Variants in DNAI4 observed in about 807,000 individuals in gnomAD.
DNAI4 encodes the protein dynein axonemal intermediate chain 4.
In DNAI4, 85 loss-of-function variants were observed where a neutral mutation model predicts 105.8. The observed-to-expected ratio is 0.80, with a 90% confidence interval of 0.67 to 0.96. DNAI4 has a LOEUF of 0.96. Ranked by LOEUF, DNAI4 falls within the 40% of genes least tolerant of loss-of-function variation. The pLI, the probability that DNAI4 is intolerant of heterozygous loss-of-function variation, is 0.00. For synonymous variants in DNAI4, 352 were observed against 331.5 expected (o/e 1.06, Z -0.67); for missense variants, 1,014 against 1,005.6 (o/e 1.01, Z -0.11).
intron 15 of DNAI4, among the ~76,000 whole-genome samples, chr1:66,823,065 C>G (rs1479876421): frequency 2.0e-5 from 3 of 151,748 alleles, no homozygotes; most frequent in African/African-American, 7.3e-5. Flanking sequence ...CCACTCCCCC[C>G]ACCCCACAAC....
At chr1:66,831,361 T>C (rs1645863253) in intron 13 of DNAI4, among the ~76,000 whole-genome samples, 1 of 152,170 alleles carries the variant, frequency 6.6e-6, no homozygotes. Flanking sequence ...TCAATCTCTC[T>C]TCTAACCAAA....
intron 1 of DNAI4, among the ~76,000 whole-genome samples, chr1:66,918,392 G>A (rs1237306511): frequency 1.3e-5 from 2 of 152,122 alleles, no homozygotes; most frequent in African/African-American, 4.8e-5. Context: ...TCAAAATAAT[G>A]TTTTCAATTT....
intron 8 of DNAI4, among the ~76,000 whole-genome samples, chr1:66,847,040 A>T (rs1646291536): frequency 6.6e-6 from 1 of 152,192 alleles, no homozygotes; most frequent in Non-Finnish European, 1.5e-5. Context: ...AGATACTATA[A>T]AAATGACTAA....
chr1:66,909,807 C>T (rs909219336), intron 1 of DNAI4, among the ~76,000 whole-genome samples: 19 of 151,938 alleles, frequency 1.3e-4, no homozygotes, highest in Non-Finnish European at 1.0e-4. Context: ...CCAGCAAATC[C>T]ACTCCTCTTG....
chr1:66,833,724 CAT>C lies in DNAI4; in HGVS notation c.1892-20_1892-19del, dbSNP rs1318479260. ...CATCAAATCTGTATTTAAAGAAAAACATATATAACTTGTTATTTACCACATGA... is the reference window on the plus strand; with the variant it reads ...CATCAAATCTGTATTTAAAGAAAAACATATAACTTGTTATTTACCACATGA... On this transcript the variant is annotated intron_variant, in intron 12 of 16. Coordinates refer to ENST00000371026, the MANE Select transcript of DNAI4 (RefSeq NM_024763.5). 1 of 1,607,414 alleles carries C rather than the reference CAT, an allele frequency of 6.2e-7. No homozygotes were observed. The highest frequency in any genetic ancestry group is 8.5e-7 in the Non-Finnish European group (1 of 1,177,568).
chr1:66,843,073 G>A (rs929255928), intron 8 of DNAI4, among the ~76,000 whole-genome samples: 29 of 151,830 alleles, frequency 1.9e-4, no homozygotes, highest in African/African-American at 6.5e-4. Flanking sequence ...GGTGGTGCAC[G>A]CCTGTGGTCT....
intron 4 of DNAI4, among the ~76,000 whole-genome samples, chr1:66,889,887 A>C (rs1166795197): frequency 6.6e-6 from 1 of 152,210 alleles, no homozygotes; most frequent in East Asian, 1.9e-4. Flanking sequence ...TTCAAAAGTC[A>C]ATAATGTTCT....
intron 16 of DNAI4, among the ~76,000 whole-genome samples, chr1:66,816,598 A>T (rs1045522540): frequency 6.6e-6 from 1 of 152,162 alleles, no homozygotes; most frequent in African/African-American, 2.4e-5. Flanking sequence ...CTCCCAAAAA[A>T]TATAACCCTA....
At chr1:66,924,578 A>C (rs1650993232) in intron 1 of DNAI4, 84 bp downstream of exon 1, 1 of 1,599,192 alleles carries the variant, frequency 6.3e-7, no homozygotes, top group African/African-American at 1.3e-5. Flanking sequence ...GCCCCTTTCC[A>C]AATCCAGAAA....
chr1:66,822,248 C>G, intron 16 of DNAI4, 113 bp downstream of exon 16: 1 of 1,011,734 alleles, frequency 9.9e-7, no homozygotes, highest in Non-Finnish European at 1.4e-6. Flanking sequence ...AATTTATGTT[C>G]TTTTATTATA....
At chr1:66,895,421 T>C (rs1648237501) in intron 2 of DNAI4, among the ~76,000 whole-genome samples, 1 of 152,236 alleles carries the variant, frequency 6.6e-6, no homozygotes, top group Non-Finnish European at 1.5e-5. Flanking sequence ...TGAGCTATGA[T>C]TGTGCCACTG....
chr1:66,914,154 A>G (rs1304597681), intron 1 of DNAI4, among the ~76,000 whole-genome samples: 1 of 152,172 alleles, frequency 6.6e-6, no homozygotes, highest in Non-Finnish European at 1.5e-5. Context: ...TAAATAATCT[A>G]AGAGTGAGGT....
intron 6 of DNAI4, among the ~76,000 whole-genome samples, chr1:66,868,579 T>G (rs1298529067): frequency 6.6e-6 from 1 of 152,160 alleles, no homozygotes; most frequent in Non-Finnish European, 1.5e-5. Flanking sequence ...ATCAATCCCC[T>G]GCCCTCAGTG....
chr1:66,837,732 C>T lies in DNAI4; in HGVS notation c.1559G>A (p.Cys520Tyr), dbSNP rs760621679. 16 of 1,610,066 alleles carry T rather than the reference C, an allele frequency of 9.9e-6. No homozygotes were observed. The highest frequency in any genetic ancestry group is 1.4e-5 in the Non-Finnish European group (16 of 1,178,466). Residue 520 changes from cysteine to tyrosine, a missense_variant, in exon 10 of 17, where the codon TGC becomes TAC. By Grantham distance (194) the Cys-to-Tyr change is radical (BLOSUM62 -2). Transcript: ENST00000371026. ...TACCATGGGATTCTTTATTGACCAG[C>T]AGCAAGCCAGTCCTCTTTTTTGCTC... ...FKEQKRGLAC[C>Y]WSIKNPMWPE...
chr1:66,874,368 G>C (rs1234425018), intron 5 of DNAI4, among the ~76,000 whole-genome samples: 3 of 152,082 alleles, frequency 2.0e-5, no homozygotes, highest in Admixed American at 1.3e-4. Flanking sequence ...TTAAATATTA[G>C]GTTGGTGCAA....
chr1:66,863,952 CT>C (rs1401023498), intron 6 of DNAI4, among the ~76,000 whole-genome samples: 2 of 152,106 alleles, frequency 1.3e-5, no homozygotes, highest in Non-Finnish European at 2.9e-5. Flanking sequence ...CTTTCTTTTT[CT>C]TTTGTTTAAC....
chr1:66,838,351 C>T (rs1404279910), intron 9 of DNAI4, among the ~76,000 whole-genome samples: 1 of 152,178 alleles, frequency 6.6e-6, no homozygotes, highest in Non-Finnish European at 1.5e-5. Flanking sequence ...CCAGAGGTCT[C>T]TCTCTGCCAT....
At chr1:66,832,789 A>G (rs1380180470) in intron 13 of DNAI4, among the ~76,000 whole-genome samples, 1 of 152,164 alleles carries the variant, frequency 6.6e-6, no homozygotes, top group African/African-American at 2.4e-5. Context: ...CCATAAATAT[A>G]TATACCTTCT....
chr1:66,841,852 T>A (rs1251159750), intron 8 of DNAI4, among the ~76,000 whole-genome samples: 1 of 152,224 alleles, frequency 6.6e-6, no homozygotes, highest in Non-Finnish European at 1.5e-5. Context: ...TTTTACATTT[T>A]AAATTTTAGG....
Sources: gnomAD v4.1 joint callset for allele counts (sites outside exome capture counted in the v4.1 genomes callset) on GRCh38, gnomAD v4.1.1 for gene constraint, MANE v1.5 for transcripts, NCBI Gene and HGNC (gene_info 2026-07-23, HGNC 2026-07-21) for gene names.